The following PELI1 variants were observed in gnomAD, a reference collection of about 807,000 sequenced individuals.
PELI1 encodes the protein pellino E3 ubiquitin protein ligase 1.
In PELI1, 15 loss-of-function variants were observed where a neutral mutation model predicts 41.3. The ratio of observed to expected loss-of-function variants is 0.36; its 90% CI spans 0.24 to 0.56. The LOEUF is 0.56. Among genes scored for constraint, PELI1 ranks in the 20% least tolerant of loss-of-function variants. The pLI, the probability that PELI1 is intolerant of heterozygous loss-of-function variation, is 0.82. For synonymous variants in PELI1, 178 were observed against 180.1 expected (o/e 0.99, Z 0.09); for missense variants, 403 against 525.5 (o/e 0.77, Z 2.28).
In PELI1 at chr2:64,095,279, C is replaced by A. The variant is rs1680194171; in HGVS notation, c.691-11G>T. 5 of 1,594,592 alleles carry A rather than the reference C, an allele frequency of 3.1e-6. No homozygotes were observed. The highest frequency in any genetic ancestry group is 2.7e-5 in the African/African-American group (2 of 74,448). ...GGTTTCAATTTCCACCTAGAGGAGA[C>A]AAGAGTTGAAAAACATATTCACCAC... On this transcript the variant is annotated splice_polypyrimidine_tract_variant and intron_variant, in intron 6 of 6. Coordinates refer to ENST00000358912, the MANE Select transcript of PELI1 (RefSeq NM_020651.4).
intron 1 of PELI1, among the ~76,000 whole-genome samples, chr2:64,110,928 A>AATATATATATATAT (rs113178570): frequency 5.1e-4 from 76 of 149,402 alleles, no homozygotes; most frequent in Non-Finnish European, 8.5e-4. Flanking sequence ...TCCATTTCAA[A>AATATATATATATAT]ATATATATAT....
At chr2:64,112,053 T>G (rs1239028363) in intron 1 of PELI1, among the ~76,000 whole-genome samples, 1 of 152,156 alleles carries the variant, frequency 6.6e-6, no homozygotes, top group East Asian at 1.9e-4. Flanking sequence ...GAGTTACTAT[T>G]TAAAGGATAT....
At chr2:64,136,033 G>A (rs937780017) in intron 1 of PELI1, among the ~76,000 whole-genome samples, 5 of 151,610 alleles carry the variant, frequency 3.3e-5, no homozygotes, top group African/African-American at 7.3e-5. Flanking sequence ...TTTCTCTTCC[G>A]TCAGAAGTTA....
rs144731780 is a variant in PELI1, at chr2:64,104,552, A to C, written c.201+149T>G. On this transcript the variant is annotated intron_variant, in intron 3 of 6. Transcript: ENST00000358912. The stretch of plus-strand genomic sequence containing the variant: ...CCTTCCATATGGCAGCTCTTCAAAT[A>C]CCATGTCTCCAAAGTCTCTTCTCCA... 276 of 1,244,300 alleles carry C rather than the reference A, an allele frequency of 2.2e-4. 1 individual carries two copies. In the African/African-American group the frequency reaches 3.8e-3, roughly 17 times the overall value. 77.1% of individuals were successfully genotyped at this position (1,244,300 alleles called of 1,614,324 possible).
chr2:64,105,486 C>T (rs80119578), intron 2 of PELI1, among the ~76,000 whole-genome samples: 1 of 152,022 alleles, frequency 6.6e-6, no homozygotes, highest in Non-Finnish European at 1.5e-5. Context: ...AAGTACTAAA[C>T]CAATGGAAAC....
intron 1 of PELI1, among the ~76,000 whole-genome samples, chr2:64,139,220 A>T (rs925932925): frequency 5.3e-5 from 8 of 152,184 alleles, no homozygotes; most frequent in Non-Finnish European, 1.2e-4. Context: ...AAGCCTCTTA[A>T]GTCTCTTTTA....
intron 1 of PELI1, among the ~76,000 whole-genome samples, chr2:64,135,429 T>C (rs1355492328): frequency 6.6e-6 from 1 of 152,044 alleles, no homozygotes; most frequent in East Asian, 1.9e-4. Flanking sequence ...ATGGCACAAA[T>C]AGGAAAAGTA....
chr2:64,104,159 A>G (rs1253205653), intron 3 of PELI1, among the ~76,000 whole-genome samples: 3 of 152,240 alleles, frequency 2.0e-5, no homozygotes, highest in East Asian at 1.9e-4. Flanking sequence ...ATTCAACTTA[A>G]TAATTATTGA....
chr2:64,134,503 G>A (rs1347051853), intron 1 of PELI1, among the ~76,000 whole-genome samples: 1 of 152,042 alleles, frequency 6.6e-6, no homozygotes, highest in Non-Finnish European at 1.5e-5. Context: ...TGATACATAA[G>A]GTATGTCTAT....
At chr2:64,124,377 T>C (rs1433218116) in intron 1 of PELI1, among the ~76,000 whole-genome samples, 4 of 152,186 alleles carry the variant, frequency 2.6e-5, no homozygotes, top group South Asian at 2.1e-4. Context: ...AAGCCTGCTA[T>C]AGACTCAAGG....
chr2:64,127,758 A>G (rs774763220), intron 1 of PELI1, among the ~76,000 whole-genome samples: 13 of 152,170 alleles, frequency 8.5e-5, no homozygotes, highest in Non-Finnish European at 1.0e-4. Context: ...AATTGGAACT[A>G]ACTTGGAAAA....
At chr2:64,142,107 C>A (rs946223206) in intron 1 of PELI1, among the ~76,000 whole-genome samples, 4 of 152,160 alleles carry the variant, frequency 2.6e-5, no homozygotes, top group Non-Finnish European at 5.9e-5. Context: ...AGCACTTCTA[C>A]CATGCTAATA....
intron 1 of PELI1, among the ~76,000 whole-genome samples, chr2:64,127,856 A>G (rs142800884): frequency 3.3e-4 from 51 of 152,300 alleles, no homozygotes; most frequent in Admixed American, 9.2e-4. Context: ...AGACAGGACT[A>G]TCTTTTTTCC....
intron 1 of PELI1, among the ~76,000 whole-genome samples, chr2:64,131,603 A>T (rs1681559043): frequency 6.6e-6 from 1 of 151,998 alleles, no homozygotes; most frequent in African/African-American, 2.4e-5. Context: ...GTAGAGAGTG[A>T]AATAGTAATC....
rs1481857183 is a variant in PELI1 at position 64,096,171 on chromosome 2, A to G, written c.644T>C (p.Val215Ala). ...CGATCTGGTTTCACGTAGGCTAAAT[A>G]CATTTCCACACACCGATATTTCTCT... Reference protein sequence around the residue: ...IWREISVCGNVFSLRETRSAQ... With the variant: ...IWREISVCGNAFSLRETRSAQ... The change falls in exon 6 of 7, where the codon GTA becomes GCA. Residue 215 changes from valine to alanine, a missense_variant. By Grantham distance (64) the Val-to-Ala change is moderately conservative. Coordinates refer to ENST00000358912, the MANE Select transcript of PELI1 (RefSeq NM_020651.4). 6.2e-7 allele frequency: 1 copy of G among 1,614,140 alleles called. No individual in the cohort carries two copies. The highest frequency in any genetic ancestry group is 8.5e-7 in the Non-Finnish European group (1 of 1,179,988).
In PELI1 at chr2:64,132,264, T is replaced by C. The variant is rs1366695102; in HGVS notation, c.-70+11817A>G. Among the ~76,000 whole-genome samples the C allele has an allele frequency of 3.3e-5, 5 of 152,214 alleles. No individual in the cohort carries two copies. The East Asian group carries it at 9.6e-4, about 29-fold the overall frequency. On this transcript the variant is annotated intron_variant, in intron 1 of 6. Coordinates refer to ENST00000358912, the MANE Select transcript of PELI1 (RefSeq NM_020651.4). ...GAAGATACAGGTTGAGCATTCCTAATCTGAAAATCTGAAATCCAAAATGCT... is the reference window on the plus strand; with the variant it reads ...GAAGATACAGGTTGAGCATTCCTAACCTGAAAATCTGAAATCCAAAATGCT...
At chr2:64,140,914 G>A (rs1681893751) in intron 1 of PELI1, among the ~76,000 whole-genome samples, 1 of 151,238 alleles carries the variant, frequency 6.6e-6, no homozygotes, top group African/African-American at 2.4e-5. Context: ...ATATTCTATG[G>A]CACAGGTCAC....
In PELI1 at chr2:64,095,132, T is replaced by A; in HGVS notation, c.827A>T (p.Asn276Ile). 1 of 1,614,210 alleles carries A rather than the reference T, an allele frequency of 6.2e-7. No individual in the cohort carries two copies. The highest frequency in any genetic ancestry group is 8.5e-7 in the Non-Finnish European group (1 of 1,180,026). ...KHLEALRQEI[N>I]AARPQCPVGF... is the part of the protein sequence containing the mutation. ...TACAGGGCACTGAGGTCGTGCTGCATTGATTTCCTGTCTTAAAGCTTCTAA... is the reference window on the plus strand; with the variant it reads ...TACAGGGCACTGAGGTCGTGCTGCAATGATTTCCTGTCTTAAAGCTTCTAA... The change falls in exon 7 of 7, where the codon AAT becomes ATT. Residue 276 changes from asparagine to isoleucine, a missense_variant. Coordinates refer to ENST00000358912, the MANE Select transcript of PELI1 (RefSeq NM_020651.4).
chr2:64,101,679 G>C (rs999850529), intron 3 of PELI1, among the ~76,000 whole-genome samples: 1 of 152,186 alleles, frequency 6.6e-6, no homozygotes, highest in South Asian at 2.1e-4. Flanking sequence ...ATCTGTAATA[G>C]ATAAAGCCTT....
Sources: gnomAD v4.1 joint callset for allele counts (sites outside exome capture counted in the v4.1 genomes callset) on GRCh38, gnomAD v4.1.1 for gene constraint, MANE v1.5 for transcripts, NCBI Gene and HGNC (gene_info 2026-07-23, HGNC 2026-07-21) for gene names.